ANO4: variants seen among roughly 807,000 people sequenced by gnomAD.
The protein encoded by ANO4 is anoctamin-4.
A neutral mutation model predicts 141.9 loss-of-function variants in ANO4; 69 were observed. That is an observed-to-expected ratio of 0.49 (90% CI 0.40 to 0.59). ANO4 has a LOEUF of 0.59. ANO4 is among the 20% of genes least tolerant of loss of function. The pLI is 0.00. For synonymous variants in ANO4, 350 were observed against 394.3 expected, an observed-to-expected ratio of 0.89 and a Z score of 1.33; for missense variants, 894 against 1,162.2, an observed-to-expected ratio of 0.77 and a Z score of 3.36.
chr12:100,901,041 T>C (rs2040570376), intron 1 of ANO4, among the ~76,000 whole-genome samples: 1 of 152,182 alleles, frequency 6.6e-6, no homozygotes, highest in Non-Finnish European at 1.5e-5. Context: ...TTTGAGGAGA[T>C]TGACATGATG....
At chr12:100,783,854 C>T (rs765698390) in intron 3 of ANO4, among the ~76,000 whole-genome samples, 1 of 152,156 alleles carries the variant, frequency 6.6e-6, no homozygotes, top group Admixed American at 6.5e-5. Flanking sequence ...TCTTACTTGT[C>T]AAAGTAGAAA....
intron 9 of ANO4, 130 bp from the exon 10 acceptor site, chr12:101,036,965 C>T: frequency 2.7e-6 from 2 of 751,552 alleles, no homozygotes; most frequent in South Asian, 2.8e-5. Context: ...TTTTTTCTAA[C>T]TCTTGGTGCC....
chr12:100,733,726 T>C (rs2031486978), intron 1 of ANO4: 1 of 682,348 alleles, frequency 1.5e-6, no homozygotes, highest in Non-Finnish European at 2.7e-6. Flanking sequence ...GTGGTCATGG[T>C]GTCTACTAAG....
At chr12:101,053,781 G>A (rs1326253099) in intron 14 of ANO4, among the ~76,000 whole-genome samples, 1 of 152,172 alleles carries the variant, frequency 6.6e-6, no homozygotes, top group Non-Finnish European at 1.5e-5. Context: ...CCTTTTTTGA[G>A]GGGACACAGT....
intron 5 of ANO4, among the ~76,000 whole-genome samples, chr12:100,945,736 A>G (rs1233066694): frequency 6.6e-6 from 1 of 152,246 alleles, no homozygotes; most frequent in Non-Finnish European, 1.5e-5. Flanking sequence ...CTCCCGCTTC[A>G]GAATCATGTG....
chr12:101,125,700 G>A lies in ANO4; in HGVS notation c.2677-1179G>A, dbSNP rs2051285301. Among the ~76,000 whole-genome samples the A allele has an allele frequency of 2.0e-5, 3 of 152,216 alleles. No homozygotes were observed. The South Asian group carries it at 6.2e-4, about 31-fold the overall frequency. ...TACTTATGCTTATGTGATGTTTACT[G>A]ATTTGCATATGTTGAACCAACTTTT... On this transcript the variant is annotated intron_variant, in intron 26 of 27. Coordinates refer to ENST00000392977, the MANE Select transcript of ANO4 (RefSeq NM_001286615.2).
At chr12:101,096,371 A>G (rs547888155) in intron 18 of ANO4, among the ~76,000 whole-genome samples, 165 bp from the exon 19 acceptor site, 6 of 152,108 alleles carry the variant, frequency 3.9e-5, no homozygotes, top group Admixed American at 1.3e-4. Flanking sequence ...TGAGGATCCT[A>G]TGAGTGGTCT....
chr12:100,872,128 T>TATTC lies in ANO4; in HGVS notation c.-140-29500_-140-29497dup, dbSNP rs565490193. ...GGCCTTGGATTAACTTTCTCAATATTATTCATTCATTCATTCATTCAACAT... is the reference window on the plus strand; with the variant it reads ...GGCCTTGGATTAACTTTCTCAATATTATTCATTCATTCATTCATTCATTCAACAT... On this transcript the variant is annotated intron_variant, in intron 1 of 27. Transcript: ENST00000392977. Among the ~76,000 whole-genome samples, 249 of 152,324 alleles carry TATTC rather than the reference T, an allele frequency of 1.6e-3. 2 individuals are homozygous for TATTC. Among genetic ancestry groups the TATTC allele is most frequent in the African/African-American group, 4.9e-3 (204 of 41,582 alleles).
intron 1 of ANO4, among the ~76,000 whole-genome samples, chr12:100,858,633 G>C (rs1331288298): frequency 6.6e-6 from 1 of 151,936 alleles, no homozygotes; most frequent in Non-Finnish European, 1.5e-5. Flanking sequence ...TTCTTTGCCT[G>C]GTTCTCCACT....
chr12:100,761,640 T>C (rs1260082263), intron 3 of ANO4, among the ~76,000 whole-genome samples: 1 of 152,172 alleles, frequency 6.6e-6, no homozygotes, highest in Non-Finnish European at 1.5e-5. Flanking sequence ...CCCAGGAAAG[T>C]GGGTGTTCAA....
intron 8 of ANO4, among the ~76,000 whole-genome samples, chr12:101,010,388 G>C (rs1335156231): frequency 6.6e-6 from 1 of 152,140 alleles, no homozygotes; most frequent in Non-Finnish European, 1.5e-5. Flanking sequence ...ATGACTCACA[G>C]TCCTTTACAT....
At chr12:100,938,358 A>G (rs2042371627) in intron 3 of ANO4, among the ~76,000 whole-genome samples, 1 of 152,254 alleles carries the variant, frequency 6.6e-6, no homozygotes, top group Admixed American at 6.5e-5. Flanking sequence ...TATGCCTGAC[A>G]CACAATGTGC....
chr12:100,793,248 T>G (rs2034121298), upstream of ANO4, among the ~76,000 whole-genome samples: 1 of 152,218 alleles, frequency 6.6e-6, no homozygotes, highest in Non-Finnish European at 1.5e-5. Context: ...CATTTGAGAA[T>G]CAAAGTCTCC....
rs1243283606 is a variant in ANO4, at chr12:100,732,124, GATGGT to G, written c.23-1643_23-1639del. Among the ~76,000 whole-genome samples, 3 of 151,994 alleles carry G rather than the reference GATGGT, an allele frequency of 2.0e-5. No homozygotes were observed. In the East Asian group the frequency reaches 5.8e-4, roughly 29 times the overall value. On this transcript the variant is annotated intron_variant, in intron 1 of 29. Coordinates refer to the ANO4 transcript ENST00000644049. ...CAAATACCAAGGGGTGTGATTGCTG[GATGGT>G]ATGGTAAGAGTATGTTTAGTTTTGT...
At chr12:100,875,238 T>A (rs1237488931) in intron 1 of ANO4, among the ~76,000 whole-genome samples, 1 of 152,110 alleles carries the variant, frequency 6.6e-6, no homozygotes, top group Non-Finnish European at 1.5e-5. Context: ...GGCGGTGGAT[T>A]TTCCCCTTAC....
At chr12:100,840,199 A>G (rs1458036667) in intron 1 of ANO4, among the ~76,000 whole-genome samples, 1 of 152,072 alleles carries the variant, frequency 6.6e-6, no homozygotes, top group Non-Finnish European at 1.5e-5. Context: ...TTTCCTTCTC[A>G]AGGAGGAATG....
intron 1 of ANO4, chr12:100,852,251 A>G (rs1334796954): frequency 1.3e-5 from 2 of 152,228 alleles, no homozygotes; most frequent in Non-Finnish European, 2.9e-5. Flanking sequence ...TATTAAAAAC[A>G]TATTTCAAAT....
At chr12:101,104,627 G>GTA (rs1167784816) in intron 22 of ANO4, among the ~76,000 whole-genome samples, 1,055 of 61,822 alleles carry the variant, frequency 0.017, 8 homozygotes, top group Non-Finnish European at 0.023. Flanking sequence ...ATGTATGTGT[G>GTA]TATATATATA....
intron 1 of ANO4, among the ~76,000 whole-genome samples, chr12:100,861,334 G>T (rs900386681): frequency 6.6e-6 from 1 of 152,150 alleles, no homozygotes; most frequent in South Asian, 2.1e-4. Context: ...TGCACCTTGG[G>T]TATGTGATAT....
Sources: allele counts gnomAD v4.1 joint callset (sites outside exome capture counted in the v4.1 genomes callset), GRCh38; gene constraint gnomAD v4.1.1; transcripts MANE v1.5; gene names NCBI Gene and HGNC (gene_info 2026-07-23, HGNC 2026-07-21).